Variants in TRIO observed in about 807,000 individuals in gnomAD.
TRIO encodes triple functional domain protein.
Under a neutral mutation model 351.9 loss-of-function variants are expected in TRIO, and 58 were observed. The ratio of observed to expected loss-of-function variants is 0.16; its 90% CI spans 0.13 to 0.21. The LOEUF (loss-of-function observed/expected upper bound fraction) is 0.21. Among genes scored for constraint, TRIO ranks in the 10% least tolerant of loss-of-function variants. The probability of loss-of-function intolerance (pLI) is 1.00; values close to 1 mark genes in which losing one functional copy is unlikely to be tolerated. For missense variants in TRIO, 3,201 were observed against 4,027.8 expected (o/e 0.79, Z 5.56); for synonymous variants, 1,758 against 1,595.7 (o/e 1.10, Z -2.42).
At position 14,507,355 on chromosome 5, in the gene TRIO, C is replaced by T. The variant is rs1383183612; in HGVS notation, c.8751+95C>T. Reference sequence around the variant, plus strand: ...CCCTCTGAAGCCAGGCCAGGAGCCCCCAAGTGACTAGGGACAAAAAGGGTG... The same window carrying T: ...CCCTCTGAAGCCAGGCCAGGAGCCCTCAAGTGACTAGGGACAAAAAGGGTG... On this transcript the variant is annotated intron_variant, in intron 56 of 56. Transcript: ENST00000344204. 8 of 1,541,288 alleles carry T rather than the reference C, an allele frequency of 5.2e-6. No individual in the cohort carries two copies. In the East Asian group the frequency reaches 1.4e-4, roughly 26 times the overall value.
chr5:14,457,017 G>A (rs1294568295), intron 34 of TRIO, among the ~76,000 whole-genome samples: 1 of 152,002 alleles, frequency 6.6e-6, no homozygotes, highest in African/African-American at 2.4e-5. Flanking sequence ...TTTCTACTGT[G>A]AAAAGAAAAA....
At chr5:14,184,075 C>A in intron 1 of TRIO, 1 of 654,168 alleles carries the variant, frequency 1.5e-6, no homozygotes, top group Non-Finnish European at 2.8e-6. Flanking sequence ...AGCTCCTAGG[C>A]CAGATGAGCA....
chr5:14,447,214 AC>A (rs1436159388), intron 34 of TRIO, among the ~76,000 whole-genome samples: 25 of 152,196 alleles, frequency 1.6e-4, no homozygotes. Context: ...CCTGGGTGAC[AC>A]AGCGAGACTG....
At chr5:14,168,114 A>G (rs1292582066) in intron 1 of TRIO, among the ~76,000 whole-genome samples, 1 of 152,224 alleles carries the variant, frequency 6.6e-6, no homozygotes, top group Non-Finnish European at 1.5e-5. Flanking sequence ...TTCTAGAACA[A>G]TTGGAAGAGA....
chr5:14,180,897 A>G (rs1789728103), intron 1 of TRIO, among the ~76,000 whole-genome samples: 1 of 152,130 alleles, frequency 6.6e-6, no homozygotes, highest in African/African-American at 2.4e-5. Context: ...TTTTCTTTTG[A>G]AATTTATGAT....
intron 1 of TRIO, among the ~76,000 whole-genome samples, chr5:14,198,225 T>G (rs1790892462): frequency 6.6e-6 from 1 of 152,310 alleles, no homozygotes; most frequent in South Asian, 2.1e-4. Flanking sequence ...TTATAAAAAT[T>G]GGTTTATACT....
In TRIO at chr5:14,390,891, TGG is replaced by T; in HGVS notation, c.4129-9_4129-8del. ...GATTTAAATGAGATCTTTTTTTTTTTGGCTTACAGGCAGACAAGTTTCAGATG... is the reference window on the plus strand; with the variant it reads ...GATTTAAATGAGATCTTTTTTTTTTTCTTACAGGCAGACAAGTTTCAGATG... On this transcript the variant is annotated splice_region_variant and splice_polypyrimidine_tract_variant and intron_variant, in intron 26 of 56. Transcript: ENST00000344204. 6.3e-7 allele frequency: 1 copy of T among 1,584,168 alleles called. No homozygotes were observed. The highest frequency in any genetic ancestry group is 1.4e-5 in the African/African-American group (1 of 72,848).
Position 14,336,585 on chromosome 5 carries a change from C to T in TRIO, c.1904C>T (p.Ala635Val). The T allele has an allele frequency of 6.2e-7, 1 of 1,614,180 alleles. No homozygotes were observed. Among genetic ancestry groups the T allele is most frequent in the South Asian group, 1.1e-5 (1 of 91,082 alleles). Residue 635 changes from alanine to valine, a missense_variant, in exon 11 of 57, where the codon GCT becomes GTT. Coordinates refer to ENST00000344204, the MANE Select transcript of TRIO (RefSeq NM_007118.4). ...TTACTGGAAGCAGCAGAACAGCTGG[C>T]TCAGACTGGGGAATGTGACCCCGAA... is the stretch of plus-strand genomic sequence containing the variant. ...DKLLEAAEQL[A>V]QTGECDPEEI...
chr5:14,404,775 C>T (rs891373786), intron 31 of TRIO, among the ~76,000 whole-genome samples: 2 of 152,164 alleles, frequency 1.3e-5, no homozygotes, highest in African/African-American at 4.8e-5. Context: ...TTCCCTGTCA[C>T]TACCTGTTAG....
chr5:14,281,418 G>C (rs966101529), intron 3 of TRIO, among the ~76,000 whole-genome samples: 2 of 114,430 alleles, frequency 1.7e-5, no homozygotes, highest in East Asian at 3.2e-4. Context: ...GTGCTAAGCC[G>C]TTAGAACCCC....
At chr5:14,386,802 A>G (rs1179003965) in intron 21 of TRIO, among the ~76,000 whole-genome samples, 1 of 152,222 alleles carries the variant, frequency 6.6e-6, no homozygotes, top group Non-Finnish European at 1.5e-5. Context: ...ATAATTTTAG[A>G]GAGAGCTCTC....
chr5:14,488,753 C>T (rs1182450603), intron 48 of TRIO: 1 of 587,136 alleles, frequency 1.7e-6, no homozygotes, highest in Non-Finnish European at 3.0e-6. Context: ...AAACTTCCAA[C>T]AGCAACTCAA....
At chr5:14,440,122 T>A (rs1282537356) in intron 34 of TRIO, among the ~76,000 whole-genome samples, 1 of 152,200 alleles carries the variant, frequency 6.6e-6, no homozygotes, top group East Asian at 1.9e-4. Flanking sequence ...AAATTGTTTA[T>A]ACTGTCAAGT....
chr5:14,424,741 A>G (rs147000616), intron 34 of TRIO, among the ~76,000 whole-genome samples: 1 of 152,280 alleles, frequency 6.6e-6, no homozygotes, highest in African/African-American at 2.4e-5. Context: ...GATTGCTATT[A>G]ATCAAATGGG....
At position 14,497,149 on chromosome 5, in the gene TRIO, C is replaced by T. The variant is rs1472246393; in HGVS notation, c.8019+132C>T. 2.6e-5 allele frequency: 35 copies of T among 1,346,348 alleles called. No homozygotes were observed. The highest frequency in any genetic ancestry group is 1.0e-4 in the Admixed American group (4 of 38,408). 83.4% of individuals were successfully genotyped at this position (1,346,348 alleles called of 1,614,324 possible). ...TCCCACCCACCAGCCCCGTGCCCTGCGTGTCCTGTAGGGTCTTGTTAGGGG... is the reference window on the plus strand; with the variant it reads ...TCCCACCCACCAGCCCCGTGCCCTGTGTGTCCTGTAGGGTCTTGTTAGGGG... On this transcript the variant is annotated intron_variant, in intron 50 of 56. Transcript: ENST00000344204. The surrounding 1 kb of genome is among the most constrained non-coding windows in gnomAD (Gnocchi z 4.4).
chr5:14,460,920 G>A (rs1753734563), intron 34 of TRIO, 99 bp from the exon 35 acceptor site: 2 of 1,388,118 alleles, frequency 1.4e-6, no homozygotes, highest in South Asian at 3.2e-5. Flanking sequence ...GAGGCATCCA[G>A]GCCCACTGGC....
At chr5:14,278,494 G>A (rs6885853) in intron 2 of TRIO, among the ~76,000 whole-genome samples, 7,415 of 152,138 alleles carry the variant, frequency 0.049, 632 homozygotes, top group African/African-American at 0.17. Flanking sequence ...GTTAGATGCT[G>A]GCTTTCTCTT....
intron 1 of TRIO, among the ~76,000 whole-genome samples, chr5:14,251,456 T>G (rs970614012): frequency 1.3e-5 from 2 of 152,154 alleles, no homozygotes; most frequent in Non-Finnish European, 2.9e-5. Flanking sequence ...TTGGAGAATT[T>G]GGAGATGGAG....
At chr5:14,241,218 A>C (rs4701604) in intron 1 of TRIO, among the ~76,000 whole-genome samples, 69,909 of 152,036 alleles carry the variant, frequency 0.46, 17,959 homozygotes, top group Middle Eastern at 0.58. Context: ...CTACAAGTAT[A>C]GACATTTTGG....
Sources: allele counts gnomAD v4.1 joint callset (sites outside exome capture counted in the v4.1 genomes callset), GRCh38; gene constraint gnomAD v4.1.1; non-coding constraint Gnocchi (gnomAD v3.1); transcripts MANE v1.5; gene names NCBI Gene and HGNC (gene_info 2026-07-23, HGNC 2026-07-21).